Variants in SDAD1 observed in about 807,000 individuals in gnomAD.
SDAD1 encodes the protein SDA1 domain containing 1, also known as protein SDA1 homolog.
Under a neutral mutation model 100.3 loss-of-function variants are expected in SDAD1, and 79 were observed. The observed-to-expected ratio is 0.79, with a 90% CI of 0.66 to 0.95. The LOEUF (loss-of-function observed/expected upper bound fraction) is 0.95. SDAD1 is among the 40% of genes least tolerant of loss of function. The probability of loss-of-function intolerance (pLI) is 0.00; values close to 1 mark genes in which losing one functional copy is unlikely to be tolerated. For synonymous variants in SDAD1, 267 were observed against 271.4 expected (o/e 0.98, Z 0.16); for missense variants, 790 against 810.9 (o/e 0.97, Z 0.31).
intron 3 of SDAD1, among the ~76,000 whole-genome samples, chr4:75,979,962 C>T (rs1363428838): frequency 6.6e-6 from 1 of 152,106 alleles, no homozygotes; most frequent in Non-Finnish European, 1.5e-5. Flanking sequence ...CTGCCTCAGC[C>T]TCCCAAGAAG....
intron 4 of SDAD1, among the ~76,000 whole-genome samples, chr4:75,977,139 T>A (rs1357608080): frequency 6.6e-6 from 1 of 152,182 alleles, no homozygotes; most frequent in African/African-American, 2.4e-5. Context: ...CTTCTAGTCT[T>A]ATATAAGCAA....
chr4:75,975,870 C>T, intron 5 of SDAD1, 26 bp from the exon 6 acceptor site: 1 of 1,603,462 alleles, frequency 6.2e-7, no homozygotes, highest in Non-Finnish European at 8.5e-7. Flanking sequence ...AGAAAGAAGA[C>T]TTAATGCACT....
At chr4:75,971,495 G>A (rs780239166) in intron 8 of SDAD1, 37 bp from the exon 9 acceptor site, 1 of 1,438,054 alleles carries the variant, frequency 7.0e-7, no homozygotes, top group Non-Finnish European at 9.8e-7. Context: ...TGTAAACAAG[G>A]AAAATCTGCA....
intron 6 of SDAD1, among the ~76,000 whole-genome samples, 189 bp from the exon 7 acceptor site, chr4:75,974,322 C>T (rs1730032027): frequency 6.6e-6 from 1 of 151,574 alleles, no homozygotes; most frequent in African/African-American, 2.4e-5. Flanking sequence ...CAGATTTTAG[C>T]CCAGACTTAC....
At position 75,973,326 on chromosome 4, in the gene SDAD1, G is replaced by A. The variant is rs199638357; in HGVS notation, c.702C>T (p.Ser234=). ...CTATGATTAAACTAACCTCAGATTC[G>A]GAGTCACTGTCCTGTTTTTCATCTT... ...KDEDEKQDSD[S]ESEDDGPTAR... The change falls in exon 8 of 22, where the codon TCC becomes TCT. Residue 234 remains serine (S), a synonymous_variant. Transcript: ENST00000356260. The A allele has an allele frequency of 5.0e-5, 81 of 1,612,772 alleles. 1 individual carries two copies. The highest frequency in any genetic ancestry group is 2.0e-4 in the Admixed American group (12 of 59,996).
chr4:75,961,791 T>A (rs1489567217), intron 14 of SDAD1, among the ~76,000 whole-genome samples: 2 of 152,214 alleles, frequency 1.3e-5, no homozygotes, highest in Non-Finnish European at 2.9e-5. Context: ...AGTGCTTCAA[T>A]AATAAATCAC....
chr4:75,962,077 T>C (rs1177291093), intron 14 of SDAD1, among the ~76,000 whole-genome samples: 1 of 152,152 alleles, frequency 6.6e-6, no homozygotes, highest in Non-Finnish European at 1.5e-5. Context: ...GGCCCCGGTG[T>C]GTGATGTTCC....
intron 10 of SDAD1, among the ~76,000 whole-genome samples, chr4:75,970,003 T>TA (rs1729774966): frequency 1.3e-5 from 2 of 151,598 alleles, no homozygotes; most frequent in African/African-American, 2.4e-5. Flanking sequence ...TTTTTTTTTT[T>TA]TAAAAAAGGA....
intron 14 of SDAD1, among the ~76,000 whole-genome samples, chr4:75,962,545 T>G (rs55876513): frequency 0.2 from 30,947 of 152,170 alleles, 3,939 homozygotes; most frequent in East Asian, 0.37. Flanking sequence ...TTTCTCCACA[T>G]CCTCTCCAGC....
chr4:75,982,587 T>C (rs1045506865), intron 1 of SDAD1, among the ~76,000 whole-genome samples: 3 of 152,082 alleles, frequency 2.0e-5, no homozygotes, highest in Non-Finnish European at 4.4e-5. Context: ...AGGTTGAGAC[T>C]GCAGTGAGCT....
Position 75,970,449 on chromosome 4 carries a change from T to C in SDAD1, c.814-71A>G, listed in dbSNP as rs181302849. The C allele has an allele frequency of 1.7e-5, 20 of 1,190,464 alleles. No individual in the cohort carries two copies. In the East Asian group the frequency reaches 3.0e-4, roughly 18 times the overall value. The allele number at this position is 1,190,464 out of a possible 1,614,324, so 73.7% of individuals were successfully genotyped here. ...ATGCTCTTAGAACTTAATGTGCTAA[T>C]AAGGCTGTTATAAGTCCATTAGACT... On this transcript the variant is annotated intron_variant, in intron 9 of 21. Coordinates refer to ENST00000356260, the MANE Select transcript of SDAD1 (RefSeq NM_018115.4).
chr4:75,957,708 A>C lies in SDAD1; in HGVS notation c.1579T>G (p.Ser527Ala), dbSNP rs1407430750. Residue 527 changes from serine to alanine, a missense_variant and splice_region_variant, in exon 19 of 22, where the codon TCC becomes GCC. By Grantham distance (99) the Ser-to-Ala change is moderately conservative. Transcript: ENST00000356260. ...HSSDEEQQEI[S>A]KKLNSMPMEE... ...ATGGGCATGCTGTTCAGCTTCTTGG[A>C]CTTGAAACCACACAAGGGCTTAAAT... 2 of 1,613,972 alleles carry C rather than the reference A, an allele frequency of 1.2e-6. No homozygotes were observed. The highest frequency in any genetic ancestry group is 1.7e-5 in the Admixed American group (1 of 60,000).
intron 1 of SDAD1, among the ~76,000 whole-genome samples, chr4:75,985,838 A>G (rs1024281622): frequency 1.3e-5 from 2 of 152,034 alleles, no homozygotes; most frequent in Non-Finnish European, 2.9e-5. Flanking sequence ...CCAAACTCCA[A>G]CGATCCTTCA....
intron 6 of SDAD1, among the ~76,000 whole-genome samples, chr4:75,974,942 T>A (rs1730077734): frequency 6.6e-6 from 1 of 151,206 alleles, no homozygotes; most frequent in Admixed American, 6.6e-5. Flanking sequence ...CTCGGGAGGC[T>A]GAGGCAGGGG....
At chr4:75,965,048 G>A (rs967869564) in intron 13 of SDAD1, among the ~76,000 whole-genome samples, 1 of 152,170 alleles carries the variant, frequency 6.6e-6, no homozygotes, top group Non-Finnish European at 1.5e-5. Flanking sequence ...GGCTGCCTGA[G>A]AGCCAGGCAG....
chr4:75,954,797 T>C (rs1024940117), intron 21 of SDAD1, among the ~76,000 whole-genome samples: 2 of 152,182 alleles, frequency 1.3e-5, no homozygotes, highest in Non-Finnish European at 2.9e-5. Context: ...CCAAGATTCC[T>C]ATCCCAGAAA....
At chr4:75,965,406 C>T (rs904211079) in intron 13 of SDAD1, among the ~76,000 whole-genome samples, 3 of 152,170 alleles carry the variant, frequency 2.0e-5, no homozygotes, top group Non-Finnish European at 2.9e-5. Context: ...CCTGTGATCT[C>T]GTCCTGCCTC....
At chr4:75,954,394 A>AG (rs930693420) in intron 21 of SDAD1, among the ~76,000 whole-genome samples, 13 of 151,158 alleles carry the variant, frequency 8.6e-5, no homozygotes, top group Admixed American at 1.3e-4. Flanking sequence ...AAAAAAAAAA[A>AG]AGAGAAAAGT....
rs1267694880 is a variant in SDAD1 at position 75,960,963 on chromosome 4, G to A, written c.1356+65C>T. On this transcript the variant is annotated intron_variant, in intron 16 of 21. Coordinates refer to ENST00000356260, the MANE Select transcript of SDAD1 (RefSeq NM_018115.4). ...CATCATAAGTACTAAAATCCTAATT[G>A]TAGGAAATTTCTCTCAGTTTGTGAG... The A allele has an allele frequency of 1.4e-5, 19 of 1,315,190 alleles. No homozygotes were observed. The East Asian group carries it at 3.0e-4, about 21-fold the overall frequency. 81.5% of individuals were successfully genotyped at this position (1,315,190 alleles called of 1,614,324 possible).
Sources: allele counts gnomAD v4.1 joint callset (sites outside exome capture counted in the v4.1 genomes callset), GRCh38; gene constraint gnomAD v4.1.1; transcripts MANE v1.5; gene names NCBI Gene and HGNC (gene_info 2026-07-23, HGNC 2026-07-21).